The following RASSF3 variants were observed in gnomAD, a reference collection of about 807,000 sequenced individuals.
RASSF3 encodes the protein Ras association domain family member 3.
In RASSF3, 19 loss-of-function variants were observed where a neutral mutation model predicts 19.9. The ratio of observed to expected loss-of-function variants is 0.96; its 90% CI spans 0.67 to 1.40. The LOEUF is 1.40. Ranked by LOEUF, RASSF3 falls within the 40% of genes most tolerant of loss-of-function variation. The pLI is 0.00. For synonymous variants in RASSF3, 110 were observed against 104.2 expected (o/e 1.06, Z -0.34); for missense variants, 306 against 289.8 (o/e 1.06, Z -0.41).
At chr12:64,544,664 T>G (rs528808117), downstream of RASSF3, among the ~76,000 whole-genome samples, 2 of 152,256 alleles carry the variant, frequency 1.3e-5, no homozygotes, top group African/African-American at 4.8e-5. Context: ...GCACTTGCAT[T>G]AAATTATCTG....
chr12:64,641,748 A>AT (rs60194376), intron 1 of RASSF3, among the ~76,000 whole-genome samples: 16,636 of 139,516 alleles, frequency 0.12, 1,084 homozygotes, highest in East Asian at 0.31. Flanking sequence ...GTACCTAGTG[A>AT]TTTTTTTTTT....
intron 1 of RASSF3, among the ~76,000 whole-genome samples, chr12:64,625,100 A>C (rs1255230241): frequency 2.6e-5 from 4 of 152,198 alleles, no homozygotes; most frequent in Non-Finnish European, 5.9e-5. Flanking sequence ...CAAAGAGCGA[A>C]AAATGGCAGG....
Position 64,695,211 on chromosome 12 carries a change from T to C in RASSF3, c.*299T>C. ...AAGCATGAACTCTGGGGGTGTTTTT[T>C]TTTTTGGTTATTTTAATTATGTGAT... On this transcript the variant is annotated 3_prime_UTR_variant, in exon 5 of 5. Transcript: ENST00000542104. 1.1e-5 allele frequency: 3 copies of C among 273,266 alleles called. No individual in the cohort carries two copies. Among genetic ancestry groups the C allele is most frequent in the Non-Finnish European group, 2.1e-5 (3 of 145,326 alleles). 16.9% of individuals were successfully genotyped at this position (273,266 alleles called of 1,614,324 possible). A position where few individuals can be genotyped will look rare whatever the true frequency, so the allele number is the denominator to read the frequency against.
chr12:64,652,421 C>T (rs1191881573), intron 1 of RASSF3, among the ~76,000 whole-genome samples: 1 of 151,112 alleles, frequency 6.6e-6, no homozygotes, highest in African/African-American at 2.4e-5. Context: ...CCCCTCCCCC[C>T]CTCCTCTTTC....
intron 1 of RASSF3, among the ~76,000 whole-genome samples, chr12:64,677,680 A>G (rs763867503): frequency 1.3e-5 from 2 of 152,128 alleles, no homozygotes; most frequent in African/African-American, 2.4e-5. Context: ...CTTCTCATAC[A>G]TTTCACTAGG....
intron 2 of RASSF3, among the ~76,000 whole-genome samples, chr12:64,579,840 C>T (rs1435854610): frequency 8.4e-5 from 12 of 142,430 alleles, no homozygotes; most frequent in African/African-American, 2.9e-4. Context: ...GACAGAGTAT[C>T]GCTCTGTTGC....
Position 64,659,951 on chromosome 12 carries a change from C to CGTGT in RASSF3, c.112-24807_112-24804dup, listed in dbSNP as rs200835780. 7.7e-3 allele frequency among the ~76,000 whole-genome samples: 1,117 copies of CGTGT among 144,828 alleles called. 10 individuals are homozygous for CGTGT. Among genetic ancestry groups the CGTGT allele is most frequent in the African/African-American group, 0.017 (651 of 39,170 alleles). On this transcript the variant is annotated intron_variant, in intron 1 of 4. Transcript: ENST00000542104. ...TGACAAAGCGAGACTTCATCTAATA[C>CGTGT]GTGTGTGTGTGTGTGTGTGTGTGTG...
Position 64,691,367 on chromosome 12 carries a change from T to G in RASSF3, c.458-103T>G, listed in dbSNP as rs1274284327. 100 of 745,130 alleles carry G rather than the reference T, an allele frequency of 1.3e-4. 1 individual carries two copies. Among genetic ancestry groups the G allele is most frequent in the East Asian group, 8.0e-5 (3 of 37,494 alleles). 46.2% of individuals were successfully genotyped at this position (745,130 alleles called of 1,614,324 possible). ...CCGACTGGCGACTTAGAGGCTGGGGTAACTTGGATGGTTACCTTGATCTGG... is the reference window on the plus strand; with the variant it reads ...CCGACTGGCGACTTAGAGGCTGGGGGAACTTGGATGGTTACCTTGATCTGG... On this transcript the variant is annotated intron_variant, in intron 3 of 4. Transcript: ENST00000542104.
intron 2 of RASSF3, among the ~76,000 whole-genome samples, chr12:64,565,107 C>T (rs1869407414): frequency 6.6e-6 from 1 of 150,886 alleles, no homozygotes; most frequent in East Asian, 2.0e-4. Flanking sequence ...TTTTAACAAC[C>T]TCAAACTAAA....
intron 2 of RASSF3, chr12:64,575,696 T>C (rs920887943): frequency 3.3e-5 from 5 of 152,040 alleles, no homozygotes; most frequent in Non-Finnish European, 5.9e-5. Context: ...TCTGGTGCAC[T>C]TCAGTGTAAG....
intron 2 of RASSF3, among the ~76,000 whole-genome samples, chr12:64,575,410 A>G (rs1168168779): frequency 6.6e-6 from 1 of 152,086 alleles, no homozygotes; most frequent in Non-Finnish European, 1.5e-5. Context: ...AAAATTAGCC[A>G]GGCGTGGTGG....
At chr12:64,603,573 A>G (rs1870133183) in intron 2 of RASSF3, among the ~76,000 whole-genome samples, 5 of 151,192 alleles carry the variant, frequency 3.3e-5, no homozygotes. Flanking sequence ...CTCACAGGTA[A>G]CACATCCTTT....
chr12:64,662,073 G>A (rs908061748), intron 1 of RASSF3, among the ~76,000 whole-genome samples: 4 of 150,756 alleles, frequency 2.7e-5, no homozygotes, highest in African/African-American at 7.3e-5. Context: ...GAGAGAGAGA[G>A]AAAAAAAAAT....
chr12:64,555,472 G>A (rs923328369), intron 2 of RASSF3, among the ~76,000 whole-genome samples: 1 of 151,938 alleles, frequency 6.6e-6, no homozygotes, highest in Non-Finnish European at 1.5e-5. Flanking sequence ...TCTACCGGCC[G>A]GGCACGGTGG....
intron 1 of RASSF3, among the ~76,000 whole-genome samples, chr12:64,515,287 C>T (rs1389102546): frequency 6.6e-6 from 1 of 152,116 alleles, no homozygotes; most frequent in Non-Finnish European, 1.5e-5. Context: ...GAACTCCTGA[C>T]CTCAGGTGAT....
At chr12:64,665,749 T>C (rs1872523507) in intron 1 of RASSF3, among the ~76,000 whole-genome samples, 1 of 152,206 alleles carries the variant, frequency 6.6e-6, no homozygotes, top group Non-Finnish European at 1.5e-5. Flanking sequence ...TGAGCTGCTG[T>C]TATGGAGCAG....
intron 2 of RASSF3, among the ~76,000 whole-genome samples, chr12:64,562,967 G>C (rs1279001154): frequency 6.6e-6 from 1 of 151,668 alleles, no homozygotes; most frequent in Admixed American, 6.6e-5. Context: ...TCCAATCCAT[G>C]AGCAAATTCA....
In RASSF3 at chr12:64,519,174, A is replaced by G. The variant is rs557918848; in HGVS notation, c.169+11845A>G. Among the ~76,000 whole-genome samples the G allele has an allele frequency of 2.5e-3, 382 of 152,116 alleles. 1 individual carries two copies. The highest frequency in any genetic ancestry group is 4.0e-3 in the Non-Finnish European group (274 of 67,992). ...TAGCACTTTGGGAGGCTGAGGCGGG[A>G]GGATAGCTTGAGTCCAGTAGTTCAA... On this transcript the variant is annotated intron_variant, in intron 1 of 5. Coordinates refer to the RASSF3 transcript ENST00000637125.
rs546257118 is a variant in RASSF3, at chr12:64,633,097, C to T, written c.111+22354C>T. 1.5e-4 allele frequency among the ~76,000 whole-genome samples: 23 copies of T among 152,130 alleles called. No individual in the cohort carries two copies. The South Asian group carries it at 4.4e-3, about 29-fold the overall frequency. Reference sequence around the variant, plus strand: ...TTTCCTATCAGGTTAAAATCTGTTTCTTCAATCATTTTGTTTATTCCTTTT... The same window carrying T: ...TTTCCTATCAGGTTAAAATCTGTTTTTTCAATCATTTTGTTTATTCCTTTT... On this transcript the variant is annotated intron_variant, in intron 1 of 4. Transcript: ENST00000542104.
Sources: gnomAD v4.1 joint callset for allele counts (sites outside exome capture counted in the v4.1 genomes callset) on GRCh38, gnomAD v4.1.1 for gene constraint, MANE v1.5 for transcripts, NCBI Gene and HGNC (gene_info 2026-07-23, HGNC 2026-07-21) for gene names.